Variants in GPC3 observed in about 807,000 individuals in gnomAD.
GPC3 encodes the protein glypican-3.
Under a neutral mutation model 34.4 loss-of-function variants are expected in GPC3, and 3 were observed. That is an observed-to-expected ratio of 0.09 (90% confidence interval 0.04 to 0.23). GPC3 has a LOEUF of 0.23. GPC3 is among the 10% of genes least tolerant of loss of function. The pLI, the probability that GPC3 is intolerant of heterozygous loss-of-function variation, is 1.00. For synonymous variants in GPC3, 177 were observed against 174.0 expected (o/e 1.02, Z -0.13); for missense variants, 351 against 445.6 (o/e 0.79, Z 1.91).
At chrX:133,745,067 A>C (rs765095759) in intron 3 of GPC3, among the ~76,000 whole-genome samples, 3 of 111,529 alleles carry the variant, frequency 2.7e-5, no homozygotes, top group African/African-American at 9.8e-5. Context: ...TGTAGATAAC[A>C]GGTTGATGGG....
chrX:133,795,086 C>T (rs1367646441), intron 2 of GPC3, among the ~76,000 whole-genome samples: 1 of 112,074 alleles, frequency 8.9e-6, no homozygotes, highest in Non-Finnish European at 1.9e-5. Flanking sequence ...CAACAATCAA[C>T]AAAAATGGTG....
chrX:133,551,852 C>T (rs1334577499), intron 7 of GPC3, among the ~76,000 whole-genome samples: 4 of 111,696 alleles, frequency 3.6e-5, no homozygotes, highest in Admixed American at 1.9e-4. Flanking sequence ...GTTTCCTGAC[C>T]CCAGCACCTG....
At position 133,682,244 on chromosome X, in the gene GPC3, T is replaced by C. The variant is rs777269000; in HGVS notation, c.1292+10125A>G. Among the ~76,000 whole-genome samples the C allele has an allele frequency of 6.3e-5, 7 of 111,147 alleles. No individual in the cohort carries two copies. The South Asian group carries it at 2.7e-3, about 43-fold the overall frequency. On this transcript the variant is annotated intron_variant, in intron 5 of 7. Transcript: ENST00000370818. ...ACAGAAAAATTCCTGGAACTCCTCT[T>C]TGGAAACCCCATTTAAAGCCAATAT...
At chrX:133,649,523 A>C (rs1211222625) in intron 6 of GPC3, among the ~76,000 whole-genome samples, 2 of 111,166 alleles carry the variant, frequency 1.8e-5, no homozygotes, top group African/African-American at 6.5e-5. Flanking sequence ...AATTTGTCAC[A>C]CAACAGCTCG....
intron 7 of GPC3, among the ~76,000 whole-genome samples, chrX:133,582,045 G>C (rs1299803651): frequency 1.8e-5 from 2 of 111,522 alleles, no homozygotes; most frequent in East Asian, 5.6e-4. Context: ...TTTCTGTGGT[G>C]TAAGTATTTC....
At chrX:133,786,577 C>T (rs1262814677) in intron 2 of GPC3, among the ~76,000 whole-genome samples, 1 of 111,521 alleles carries the variant, frequency 9.0e-6, no homozygotes, top group Admixed American at 9.5e-5. Flanking sequence ...CTGGGCATGC[C>T]CACAGCAGAC....
intron 1 of GPC3, among the ~76,000 whole-genome samples, chrX:133,962,528 T>C (rs761226568): frequency 9.0e-6 from 1 of 111,712 alleles, no homozygotes; most frequent in Non-Finnish European, 1.9e-5. Context: ...ACGCACATCA[T>C]TGATTATTTA....
chrX:133,867,747 TA>T (rs1321645231), intron 2 of GPC3, among the ~76,000 whole-genome samples: 2 of 107,319 alleles, frequency 1.9e-5, no homozygotes, highest in Non-Finnish European at 3.8e-5. Context: ...TGTACCCATA[TA>T]AACCCTGAAC....
chrX:133,572,559 T>C (rs1438137480), intron 7 of GPC3, among the ~76,000 whole-genome samples: 1 of 111,258 alleles, frequency 9.0e-6, no homozygotes, highest in African/African-American at 3.3e-5. Context: ...TTGACCAACC[T>C]ATAGCAAGAC....
At chrX:133,606,634 G>A (rs1223100656) in intron 6 of GPC3, among the ~76,000 whole-genome samples, 1 of 110,756 alleles carries the variant, frequency 9.0e-6, no homozygotes, top group Non-Finnish European at 1.9e-5. Flanking sequence ...ATATTGCCCA[G>A]GCTGGTTTTG....
chrX:133,805,338 A>G (rs2075630648), intron 2 of GPC3, among the ~76,000 whole-genome samples: 1 of 111,451 alleles, frequency 9.0e-6, no homozygotes, highest in East Asian at 2.8e-4. Flanking sequence ...TGTGTCCTGG[A>G]ACTCCCTCTT....
At chrX:133,957,920 A>G (rs988218597) in intron 1 of GPC3, among the ~76,000 whole-genome samples, 3 of 111,200 alleles carry the variant, frequency 2.7e-5, no homozygotes, top group Non-Finnish European at 5.7e-5. Flanking sequence ...GGATGGAGAT[A>G]AGGAGAAGAC....
intron 2 of GPC3, among the ~76,000 whole-genome samples, chrX:133,855,464 C>A (rs1324283487): frequency 9.4e-6 from 1 of 106,806 alleles, no homozygotes; most frequent in Non-Finnish European, 1.9e-5. Context: ...CTGTACCCAG[C>A]CAGATTTTCC....
chrX:133,761,502 C>A (rs941786352), intron 2 of GPC3, among the ~76,000 whole-genome samples: 2 of 111,617 alleles, frequency 1.8e-5, no homozygotes, highest in African/African-American at 3.3e-5. Context: ...CTTCTAAATA[C>A]AATGTACATC....
chrX:133,773,395 T>C (rs1431185920), intron 2 of GPC3, among the ~76,000 whole-genome samples: 1 of 112,235 alleles, frequency 8.9e-6, no homozygotes, highest in East Asian at 2.8e-4. Flanking sequence ...AATAAATAAG[T>C]AATTGAACTA....
At chrX:133,774,048 A>G (rs772344315) in intron 2 of GPC3, among the ~76,000 whole-genome samples, 16 of 112,495 alleles carry the variant, frequency 1.4e-4, no homozygotes, top group Non-Finnish European at 3.0e-4. Flanking sequence ...TGTACAAAGC[A>G]CAGGACTCAA....
chrX:133,925,975 AG>A (rs2076273224), intron 2 of GPC3, among the ~76,000 whole-genome samples: 1 of 111,442 alleles, frequency 9.0e-6, no homozygotes, highest in African/African-American at 3.3e-5. Context: ...GCTGCCTCTT[AG>A]GGGAGGGAGT....
At chrX:133,833,606 C>T (rs1036199879) in intron 2 of GPC3, among the ~76,000 whole-genome samples, 1 of 111,380 alleles carries the variant, frequency 9.0e-6, no homozygotes, top group Non-Finnish European at 1.9e-5. Flanking sequence ...GATCCCAGAG[C>T]ATCTGGGGGA....
chrX:133,875,967 TA>T (rs1415888943), intron 2 of GPC3, among the ~76,000 whole-genome samples: 4 of 111,574 alleles, frequency 3.6e-5, no homozygotes, highest in African/African-American at 9.8e-5. Context: ...GTGCCTTGAT[TA>T]AAAAAAATTG....
Sources: gnomAD v4.1 joint callset for allele counts (sites outside exome capture counted in the v4.1 genomes callset) on GRCh38, gnomAD v4.1.1 for gene constraint, MANE v1.5 for transcripts, NCBI Gene and HGNC (gene_info 2026-07-23, HGNC 2026-07-21) for gene names.